The following NAV3 variants were observed in gnomAD, a reference collection of about 807,000 sequenced individuals.
NAV3 encodes the protein neuron navigator 3.
Under a neutral mutation model 244.7 loss-of-function variants are expected in NAV3, and 87 were observed. The observed-to-expected ratio is 0.36, with a 90% CI of 0.30 to 0.42. The LOEUF (loss-of-function observed/expected upper bound fraction) is 0.42. Among genes scored for constraint, NAV3 ranks in the 20% least tolerant of loss-of-function variants. NAV3 has a pLI of 1.00. For synonymous variants in NAV3, 1,126 were observed against 1,042.2 expected (o/e 1.08, Z -1.55); for missense variants, 2,663 against 2,893.3 (o/e 0.92, Z 1.83).
intron 2 of NAV3, among the ~76,000 whole-genome samples, chr12:77,703,405 A>G (rs1464251996): frequency 1.3e-5 from 2 of 152,138 alleles, no homozygotes; most frequent in Admixed American, 6.5e-5. Flanking sequence ...ATTAACCACA[A>G]TTCATTTATC....
chr12:77,874,964 A>G (rs938533855), intron 1 of NAV3, among the ~76,000 whole-genome samples: 1 of 152,148 alleles, frequency 6.6e-6, no homozygotes, highest in Non-Finnish European at 1.5e-5. Context: ...GGCACAACTA[A>G]TCTATATTTC....
chr12:78,109,010 A>C lies in NAV3; in HGVS notation c.2637-7762A>C, dbSNP rs189050115. ...CTAAAAAAATACAAATGATTAACAA[A>C]ACTAAAATTTGGTTATTCAACAAGA... On this transcript the variant is annotated intron_variant, in intron 12 of 39. Coordinates refer to ENST00000397909, the MANE Select transcript of NAV3 (RefSeq NM_001024383.2). Among the ~76,000 whole-genome samples the C allele has an allele frequency of 2.4e-3, 365 of 152,156 alleles. 3 individuals carry two copies. Among genetic ancestry groups the C allele is most frequent in the African/African-American group, 8.5e-3 (354 of 41,550 alleles).
chr12:78,137,263 G>C lies in NAV3; in HGVS notation c.4528G>C (p.Asp1510His). 1 of 1,613,618 alleles carries C rather than the reference G, an allele frequency of 6.2e-7. No homozygotes were observed. The highest frequency in any genetic ancestry group is 2.2e-5 in the East Asian group (1 of 44,866). Residue 1510 changes from aspartate (D) to histidine (H), a missense_variant, in exon 19 of 40, where the codon GAT (aspartate) becomes CAT (histidine). Asp to His is a moderately conservative substitution (Grantham distance 81, BLOSUM62 -1). Transcript: ENST00000397909. Reference protein sequence around the residue: ...NSIPAQDSSFDLYDDSQLCGS... With the variant: ...NSIPAQDSSFHLYDDSQLCGS... ...CATCCCAGCCCAAGACTCTTCCTTCGATCTCTATGATGACTCCCAGCTTTG... is the reference window on the plus strand; with the variant it reads ...CATCCCAGCCCAAGACTCTTCCTTCCATCTCTATGATGACTCCCAGCTTTG...
chr12:77,826,259 G>A (rs1872997460), upstream of NAV3, among the ~76,000 whole-genome samples: 1 of 152,200 alleles, frequency 6.6e-6, no homozygotes, highest in Non-Finnish European at 1.5e-5. Context: ...TGTAATCCCA[G>A]TACGTTGGGA....
intron 2 of NAV3, among the ~76,000 whole-genome samples, chr12:77,751,861 A>C (rs765612223): frequency 3.9e-5 from 6 of 152,232 alleles, no homozygotes; most frequent in Non-Finnish European, 7.3e-5. Context: ...TTGTTCTGTG[A>C]CATTAACACA....
chr12:78,140,571 T>G (rs1956565480), intron 20 of NAV3, among the ~76,000 whole-genome samples: 1 of 152,134 alleles, frequency 6.6e-6, no homozygotes, highest in Non-Finnish European at 1.5e-5. Flanking sequence ...TCATAATCAA[T>G]GAGTGGATGT....
At chr12:78,170,451 C>A (rs980888817) in intron 24 of NAV3, among the ~76,000 whole-genome samples, 3 of 151,680 alleles carry the variant, frequency 2.0e-5, no homozygotes, top group Non-Finnish European at 3.0e-5. Context: ...CCCTAAATAG[C>A]CTTCCTCTTC....
At chr12:77,865,986 G>GTT (rs113206069) in intron 1 of NAV3, among the ~76,000 whole-genome samples, 5 of 151,590 alleles carry the variant, frequency 3.3e-5, no homozygotes, top group African/African-American at 1.2e-4. Flanking sequence ...CACATTATAA[G>GTT]TTTTTTTTCA....
intron 6 of NAV3, 80 bp downstream of exon 6, chr12:77,994,951 T>A: frequency 9.6e-7 from 1 of 1,044,652 alleles, no homozygotes; most frequent in South Asian, 1.5e-5. Context: ...TATCTTTTTT[T>A]TTTAATGATG....
intron 2 of NAV3, among the ~76,000 whole-genome samples, chr12:77,581,923 C>T (rs1869384305): frequency 6.6e-6 from 1 of 152,092 alleles, no homozygotes; most frequent in Admixed American, 6.6e-5. Flanking sequence ...ATCACTTGTC[C>T]TTTGCATAAC....
chr12:77,715,775 G>A (rs1231339215), intron 2 of NAV3, among the ~76,000 whole-genome samples: 1 of 151,904 alleles, frequency 6.6e-6, no homozygotes, highest in African/African-American at 2.4e-5. Context: ...TTTACTTCAT[G>A]TTGTATATTT....
At chr12:78,037,112 C>A (rs1189933480) in intron 9 of NAV3, 1 of 703,038 alleles carries the variant, frequency 1.4e-6, no homozygotes, top group Non-Finnish European at 2.6e-6. Flanking sequence ...ATCACACCAG[C>A]AGCTCAGCCT....
intron 2 of NAV3, among the ~76,000 whole-genome samples, chr12:77,724,993 CA>C (rs2137312831): frequency 6.6e-6 from 1 of 152,066 alleles, no homozygotes; most frequent in East Asian, 1.9e-4. Context: ...ATAATCTTGT[CA>C]GTAAATTCAC....
chr12:78,072,285 C>G (rs368294307), intron 12 of NAV3, among the ~76,000 whole-genome samples: 10,732 of 146,680 alleles, frequency 0.073, 537 homozygotes, highest in Non-Finnish European at 0.11. Context: ...TGATAGACCG[C>G]TAGCAAGACT....
At chr12:77,746,184 G>A (rs1269511597) in intron 2 of NAV3, among the ~76,000 whole-genome samples, 1 of 151,986 alleles carries the variant, frequency 6.6e-6, no homozygotes, top group Non-Finnish European at 1.5e-5. Flanking sequence ...ATCAGGAGTT[G>A]GCAAACATTT....
intron 30 of NAV3, among the ~76,000 whole-genome samples, chr12:78,183,999 T>G (rs554522297): frequency 6.6e-6 from 1 of 152,004 alleles, no homozygotes; most frequent in African/African-American, 2.4e-5. Context: ...CTAGCATTCC[T>G]CAGCCTTCTG....
At chr12:77,962,774 T>C (rs1892143298) in intron 3 of NAV3, among the ~76,000 whole-genome samples, 2 of 152,162 alleles carry the variant, frequency 1.3e-5, no homozygotes. Context: ...CTAAATAGAT[T>C]AAACAGAAGA....
intron 8 of NAV3, among the ~76,000 whole-genome samples, chr12:78,013,862 G>GT (rs1190350798): frequency 6.6e-6 from 1 of 151,816 alleles, no homozygotes; most frequent in Admixed American, 6.6e-5. Flanking sequence ...GAACCACATA[G>GT]TTTTTTCATT....
chr12:77,771,698 G>T (rs1316484690), intron 2 of NAV3, among the ~76,000 whole-genome samples: 1 of 152,046 alleles, frequency 6.6e-6, no homozygotes, highest in Non-Finnish European at 1.5e-5. Flanking sequence ...TCACTCATAG[G>T]TGGGAATTGA....
Sources: gnomAD v4.1 joint callset for allele counts (sites outside exome capture counted in the v4.1 genomes callset) on GRCh38, gnomAD v4.1.1 for gene constraint, MANE v1.5 for transcripts, NCBI Gene and HGNC (gene_info 2026-07-23, HGNC 2026-07-21) for gene names.